TGFBRAP1: variants seen among roughly 807,000 people sequenced by gnomAD.
TGFBRAP1 encodes transforming growth factor beta receptor associated protein 1.
Under a neutral mutation model 83.2 loss-of-function variants are expected in TGFBRAP1, and 20 were observed. The ratio of observed to expected loss-of-function variants is 0.24; its 90% confidence interval spans 0.17 to 0.35. The LOEUF is 0.35. TGFBRAP1 is among the 10% of genes least tolerant of loss of function. TGFBRAP1 has a pLI of 1.00. For missense variants in TGFBRAP1, 950 were observed against 1,099.4 expected, an observed-to-expected ratio of 0.86 and a Z score of 1.92; for synonymous variants, 415 against 459.8, an observed-to-expected ratio of 0.90 and a Z score of 1.25.
chr2:105,293,890 T>C (rs1266919243), intron 4 of TGFBRAP1, among the ~76,000 whole-genome samples: 1 of 152,102 alleles, frequency 6.6e-6, no homozygotes, highest in Non-Finnish European at 1.5e-5. Flanking sequence ...AGGGGTGACA[T>C]GATAAATGGT....
chr2:105,321,092 G>A (rs1561237), intron 1 of TGFBRAP1, among the ~76,000 whole-genome samples: 83,639 of 151,998 alleles, frequency 0.55, 23,758 homozygotes, highest in East Asian at 0.73. Context: ...GGCTTTAGGC[G>A]TGAGTATCTT....
chr2:105,288,218 C>T (rs1677780593), intron 4 of TGFBRAP1, among the ~76,000 whole-genome samples: 2 of 152,140 alleles, frequency 1.3e-5, no homozygotes, highest in Non-Finnish European at 2.9e-5. Context: ...CAGCAGGACA[C>T]ACACCATGTA....
At chr2:105,285,073 T>C (rs1677668647) in intron 4 of TGFBRAP1, among the ~76,000 whole-genome samples, 1 of 152,242 alleles carries the variant, frequency 6.6e-6, no homozygotes, top group African/African-American at 2.4e-5. Context: ...CCGTCCAGCA[T>C]GGCTGGTGTC....
chr2:105,283,695 C>A (rs906195728), intron 5 of TGFBRAP1, among the ~76,000 whole-genome samples: 2 of 152,182 alleles, frequency 1.3e-5, no homozygotes, highest in East Asian at 3.9e-4. Context: ...GGTGGCATGA[C>A]AGCAAGGCGT....
rs532236812 is a variant in TGFBRAP1 at position 105,316,345 on chromosome 2, A to C, written c.-17-8027T>G. Among the ~76,000 whole-genome samples, 25 of 152,052 alleles carry C rather than the reference A, an allele frequency of 1.6e-4. No homozygotes were observed. In the South Asian group the frequency reaches 5.2e-3, roughly 32 times the overall value. ...TATGCAAATTATGTTTTTTACAAAA[A>C]AAAAAAAAATTCCCCTACCTGATCC... On this transcript the variant is annotated intron_variant, in intron 1 of 11. Transcript: ENST00000393359.
the TGFBRAP1 span, among the ~76,000 whole-genome samples, chr2:105,250,865 G>C: frequency 4.6e-5 from 7 of 152,326 alleles, no homozygotes; most frequent in Admixed American, 2.6e-4. Context: ...CGTGTTGGCC[G>C]GGCTGGTCTC....
chr2:105,327,334 C>G (rs1327417415), intron 1 of TGFBRAP1: 1 of 152,110 alleles, frequency 6.6e-6, no homozygotes, highest in Admixed American at 6.6e-5. Context: ...GAGGCCAAGA[C>G]AGGAGGATTG....
At chr2:105,252,192 T>C in the TGFBRAP1 span, among the ~76,000 whole-genome samples, 16 of 152,256 alleles carry the variant, frequency 1.1e-4, no homozygotes, top group African/African-American at 3.6e-4. Flanking sequence ...TTCCTCCTTT[T>C]GGCATTTTTG....
At chr2:105,293,102 G>A (rs2576746) in intron 4 of TGFBRAP1, among the ~76,000 whole-genome samples, 87,462 of 151,728 alleles carry the variant, frequency 0.58, 25,873 homozygotes, top group Non-Finnish European at 0.65. Flanking sequence ...GGGGAATGAC[G>A]ACAATGGTAC....
intron 10 of TGFBRAP1, among the ~76,000 whole-genome samples, chr2:105,272,502 T>C (rs1677190491): frequency 6.6e-6 from 1 of 152,106 alleles, no homozygotes; most frequent in African/African-American, 2.4e-5. Flanking sequence ...AAGGGCACCG[T>C]CCATCTAGAG....
chr2:105,326,620 A>C (rs578229483), intron 1 of TGFBRAP1, among the ~76,000 whole-genome samples: 4 of 152,168 alleles, frequency 2.6e-5, no homozygotes, highest in Non-Finnish European at 4.4e-5. Flanking sequence ...TTGGGAGGCT[A>C]AAGTGGAAGG....
intron 2 of TGFBRAP1, among the ~76,000 whole-genome samples, chr2:105,301,351 G>A (rs1678283958): frequency 6.6e-6 from 1 of 152,128 alleles, no homozygotes; most frequent in African/African-American, 2.4e-5. Context: ...TTGGGAGGCT[G>A]AGGCGGGTGG....
At chr2:105,321,137 T>C (rs955571648) in intron 1 of TGFBRAP1, among the ~76,000 whole-genome samples, 3 of 152,168 alleles carry the variant, frequency 2.0e-5, no homozygotes, top group Non-Finnish European at 2.9e-5. Context: ...TTACAGTTTT[T>C]GTATAAATAC....
At chr2:105,291,012 A>T (rs192367446) in intron 4 of TGFBRAP1, among the ~76,000 whole-genome samples, 44 of 152,246 alleles carry the variant, frequency 2.9e-4, no homozygotes, top group African/African-American at 9.4e-4. Context: ...AACTCAAAAA[A>T]ATAAATCAAT....
Position 105,308,136 on chromosome 2 carries a change from C to A in TGFBRAP1, c.166G>T (p.Val56Leu). ...VYHFLLEERP[V>L]PAGPATFTAT... ...GTGAACGTGGCTGGCCCAGCAGGCA[C>A]TGGCCTCTCCTCCAACAGGAAGTGG... The change falls in exon 2 of 12, where the codon GTG becomes TTG. Residue 56 changes from valine (V) to leucine (L), a missense_variant. Val to Leu is a conservative substitution (Grantham distance 32). Transcript: ENST00000393359. 1 of 1,614,182 alleles carries A rather than the reference C, an allele frequency of 6.2e-7. No homozygotes were observed.
Position 105,308,149 on chromosome 2 carries a change from C to T in TGFBRAP1, c.153G>A (p.Leu51=). 1 of 1,614,186 alleles carries T rather than the reference C, an allele frequency of 6.2e-7. No homozygotes were observed. The change falls in exon 2 of 12, where the codon TTG becomes TTA. Residue 51 remains leucine, a synonymous_variant. Transcript: ENST00000393359. The part of the protein sequence containing the change: ...TNDCFVYHFL[L]EERPVPAGPA... The stretch of plus-strand genomic sequence containing the variant: ...GCCCAGCAGGCACTGGCCTCTCCTC[C>T]AACAGGAAGTGGTAGACGAAGCAGT...
intron 6 of TGFBRAP1, among the ~76,000 whole-genome samples, chr2:105,279,056 A>G (rs1274822405): frequency 6.6e-6 from 1 of 152,062 alleles, no homozygotes; most frequent in Non-Finnish European, 1.5e-5. Context: ...CATAGACCGA[A>G]AAAATCTTAT....
intron 4 of TGFBRAP1, 32 bp from the exon 5 acceptor site, chr2:105,284,430 G>A: frequency 6.2e-7 from 1 of 1,601,204 alleles, no homozygotes; most frequent in Non-Finnish European, 8.6e-7. Context: ...ATCTCTTAGT[G>A]AATCTTGAAA....
intron 2 of TGFBRAP1, among the ~76,000 whole-genome samples, chr2:105,303,673 G>A (rs1678382432): frequency 6.6e-6 from 1 of 152,226 alleles, no homozygotes; most frequent in Non-Finnish European, 1.5e-5. Context: ...ACTGTCAACA[G>A]CTGCTAACAT....
Sources: allele counts gnomAD v4.1 joint callset (sites outside exome capture counted in the v4.1 genomes callset), GRCh38; gene constraint gnomAD v4.1.1; transcripts MANE v1.5; gene names NCBI Gene and HGNC (gene_info 2026-07-23, HGNC 2026-07-21).